RNF8: variants seen among roughly 807,000 people sequenced by gnomAD.
The protein encoded by RNF8 is ring finger protein 8, also known as E3 ubiquitin-protein ligase RNF8.
In RNF8, 8 loss-of-function variants were observed where a neutral mutation model predicts 59.3. The observed-to-expected ratio is 0.13, with a 90% CI of 0.08 to 0.24. The LOEUF is 0.24. RNF8 is among the 10% of genes least tolerant of loss of function. RNF8 has a pLI of 1.00. For missense variants in RNF8, 406 were observed against 572.6 expected, an observed-to-expected ratio of 0.71 and a Z score of 2.97; for synonymous variants, 162 against 200.0, an observed-to-expected ratio of 0.81 and a Z score of 1.60.
At chr6:37,379,179 A>G (rs1052930238) in intron 6 of RNF8, among the ~76,000 whole-genome samples, 1 of 151,850 alleles carries the variant, frequency 6.6e-6, no homozygotes, top group Non-Finnish European at 1.5e-5. Flanking sequence ...ACACCCAGCT[A>G]ATTTTTTTGT....
intron 7 of RNF8, among the ~76,000 whole-genome samples, chr6:37,386,906 T>C (rs989090703): frequency 6.6e-6 from 1 of 152,134 alleles, no homozygotes; most frequent in Admixed American, 6.5e-5. Flanking sequence ...CACAGTTATT[T>C]TGGCCCTCTA....
chr6:37,374,439 G>A (rs1769930327), intron 4 of RNF8, among the ~76,000 whole-genome samples, 181 bp from the exon 5 acceptor site: 1 of 152,030 alleles, frequency 6.6e-6, no homozygotes, highest in African/African-American at 2.4e-5. Flanking sequence ...CCTCTCCCCT[G>A]AAAAAAGCAG....
intron 1 of RNF8, among the ~76,000 whole-genome samples, chr6:37,356,647 T>A (rs1769125410): frequency 6.6e-6 from 1 of 152,216 alleles, no homozygotes; most frequent in South Asian, 2.1e-4. Context: ...CAACAGAACC[T>A]TCTCTCCCCT....
At position 37,385,238 on chromosome 6, in the gene RNF8, C is replaced by G. The variant is rs368935253; in HGVS notation, c.1441+3884C>G. 2.5e-4 allele frequency among the ~76,000 whole-genome samples: 37 copies of G among 150,930 alleles called. 2 individuals carry two copies. The highest frequency in any genetic ancestry group is 8.5e-4 in the African/African-American group (35 of 41,244). On this transcript the variant is annotated intron_variant, in intron 7 of 7. Transcript: ENST00000373479. Reference sequence around the variant, plus strand: ...ATGTTGGTCAGGCTGGTCTTGAACTCCCGACCTCAGGTGATCCGCCCACCT... The same window carrying G: ...ATGTTGGTCAGGCTGGTCTTGAACTGCCGACCTCAGGTGATCCGCCCACCT...
chr6:37,363,111 G>C (rs1453948864), intron 2 of RNF8, among the ~76,000 whole-genome samples: 1 of 152,162 alleles, frequency 6.6e-6, no homozygotes, highest in African/African-American at 2.4e-5. Context: ...CTTTTCACCT[G>C]CTGCCTGGTG....
At chr6:37,375,097 A>G (rs993795321) in intron 5 of RNF8, among the ~76,000 whole-genome samples, 1 of 152,222 alleles carries the variant, frequency 6.6e-6, no homozygotes, top group Admixed American at 6.5e-5. Flanking sequence ...TCCCATGTCA[A>G]ATCAGGAGAA....
At chr6:37,368,312 C>G in intron 2 of RNF8, 172 bp from the exon 3 acceptor site, 1 of 1,524,648 alleles carries the variant, frequency 6.6e-7, no homozygotes, top group South Asian at 1.2e-5. Context: ...AGCCAAAGCA[C>G]TGCTTGACGA....
In RNF8 at chr6:37,391,021, AAG is replaced by A. The variant is rs1364697948; in HGVS notation, c.*266_*267del. On this transcript the variant is annotated 3_prime_UTR_variant, in exon 8 of 8. Coordinates refer to ENST00000373479, the MANE Select transcript of RNF8 (RefSeq NM_003958.4). The stretch of plus-strand genomic sequence containing the variant: ...TAGACTCTGCCTCACTACATGTCGA[AAG>A]AGTTATTTGAGTTCTCTTCTGTTTT... The A allele has an allele frequency of 1.7e-6, 1 of 581,810 alleles. No individual in the cohort carries two copies. The highest frequency in any genetic ancestry group is 3.1e-6 in the Non-Finnish European group (1 of 326,198). The allele number at this position is 581,810 out of a possible 1,614,324, so 36.0% of individuals were successfully genotyped here. A position where few individuals can be genotyped will look rare whatever the true frequency, so the allele number is the denominator to read the frequency against.
intron 2 of RNF8, among the ~76,000 whole-genome samples, chr6:37,365,221 C>T (rs1769500705): frequency 2.0e-5 from 3 of 152,024 alleles, no homozygotes; most frequent in African/African-American, 4.8e-5. Context: ...ATCTCAGAGG[C>T]GTTACACTAA....
chr6:37,356,006 ATTG>A (rs1218219427), intron 1 of RNF8, among the ~76,000 whole-genome samples: 3 of 152,170 alleles, frequency 2.0e-5, no homozygotes, highest in Non-Finnish European at 4.4e-5. Flanking sequence ...TTTAGATTCA[ATTG>A]TTGTGGATTA....
chr6:37,355,769 C>A (rs775653781), intron 1 of RNF8, among the ~76,000 whole-genome samples: 7 of 152,322 alleles, frequency 4.6e-5, no homozygotes, highest in Non-Finnish European at 8.8e-5. Flanking sequence ...AGCATTCATT[C>A]TTTTAGCTTG....
In RNF8 at chr6:37,360,918, C is replaced by CT. The variant is rs1769295212; in HGVS notation, c.240+345dup. ...GAATCTGCAGAATCTGCTGACGCTT[C>CT]TGGAGTACACTTATGGCTCAGTGGA... is the stretch of plus-strand genomic sequence containing the variant. On this transcript the variant is annotated intron_variant, in intron 2 of 7. Coordinates refer to ENST00000373479, the MANE Select transcript of RNF8 (RefSeq NM_003958.4). The surrounding 1 kb of genome is among the most constrained non-coding windows in gnomAD (Gnocchi z 4.2). Among the ~76,000 whole-genome samples the CT allele has an allele frequency of 6.6e-6, 1 of 152,148 alleles. No homozygotes were observed. Among genetic ancestry groups the CT allele is most frequent in the Admixed American group, 6.5e-5 (1 of 15,274 alleles).
At chr6:37,388,427 T>C (rs1406406058) in intron 7 of RNF8, among the ~76,000 whole-genome samples, 4 of 152,086 alleles carry the variant, frequency 2.6e-5, no homozygotes, top group African/African-American at 9.7e-5. Context: ...TGTGTGGATC[T>C]GGAGCCTGAA....
In RNF8 at chr6:37,354,091, G is replaced by A. The variant is rs551627962; in HGVS notation, c.-74G>A. ...CTGTTATTTAGATATGGAAGCTGAG[G>A]GGATGCACAGAGGCAGCCAGAACCT... On this transcript the variant is annotated 5_prime_UTR_variant, in exon 1 of 8. Coordinates refer to ENST00000373479, the MANE Select transcript of RNF8 (RefSeq NM_003958.4). 17 of 1,183,920 alleles carry A rather than the reference G, an allele frequency of 1.4e-5. No individual in the cohort carries two copies. The highest frequency in any genetic ancestry group is 7.4e-6 in the Non-Finnish European group (6 of 812,882). 73.3% of individuals were successfully genotyped at this position (1,183,920 alleles called of 1,614,324 possible).
chr6:37,388,151 G>A (rs1304735711), intron 7 of RNF8, among the ~76,000 whole-genome samples: 1 of 152,202 alleles, frequency 6.6e-6, no homozygotes, highest in Non-Finnish European at 1.5e-5. Context: ...TGGTGGCTAG[G>A]TTAGAGAAGT....
In RNF8 at chr6:37,374,724, A is replaced by G; in HGVS notation, c.1128+15A>G. ...AGCAGACCAAGGTACTGGAAAGAAG[A>G]TGGAAGTTTAGAATTTGGTTAGTGC... On this transcript the variant is annotated intron_variant, in intron 5 of 7. Coordinates refer to ENST00000373479, the MANE Select transcript of RNF8 (RefSeq NM_003958.4). The G allele has an allele frequency of 1.2e-6, 2 of 1,605,046 alleles. No individual in the cohort carries two copies. The highest frequency in any genetic ancestry group is 1.7e-6 in the Non-Finnish European group (2 of 1,171,986).
intron 3 of RNF8, among the ~76,000 whole-genome samples, chr6:37,369,522 C>A (rs796238915): frequency 5.3e-5 from 8 of 152,350 alleles, no homozygotes; most frequent in African/African-American, 1.4e-4. Context: ...TCAGAACCAA[C>A]ATGAATTCAG....
intron 2 of RNF8, among the ~76,000 whole-genome samples, chr6:37,365,061 A>G (rs1391876980): frequency 6.6e-6 from 1 of 152,068 alleles, no homozygotes; most frequent in African/African-American, 2.4e-5. Context: ...GAGCCACCAC[A>G]CCTGGCCTGT....
chr6:37,374,773 T>C, intron 5 of RNF8, 64 bp downstream of exon 5: 1 of 1,123,948 alleles, frequency 8.9e-7, no homozygotes, highest in East Asian at 2.4e-5. Context: ...TTTTCAACAG[T>C]GCAAGGGTTG....
Sources: allele counts gnomAD v4.1 joint callset (sites outside exome capture counted in the v4.1 genomes callset), GRCh38; gene constraint gnomAD v4.1.1; non-coding constraint Gnocchi (gnomAD v3.1); transcripts MANE v1.5; gene names NCBI Gene and HGNC (gene_info 2026-07-23, HGNC 2026-07-21).